DMD: variants seen among roughly 807,000 people sequenced by gnomAD.
DMD encodes the protein mutant dystrophin.
A neutral mutation model predicts 330.1 loss-of-function variants in DMD; 63 were observed. The observed-to-expected ratio is 0.19, with a 90% CI of 0.16 to 0.24. DMD has a LOEUF of 0.24. Among genes scored for constraint, DMD ranks in the 10% least tolerant of loss-of-function variants. The pLI is 1.00. For synonymous variants in DMD, 1,223 were observed against 959.8 expected (o/e 1.27, Z -5.07); for missense variants, 3,344 against 2,684.1 (o/e 1.25, Z -5.43).
intron 34 of DMD, 99 bp from the exon 35 acceptor site, chrX:32,365,298 G>T: frequency 2.4e-6 from 2 of 836,494 alleles, no homozygotes; most frequent in Non-Finnish European, 3.5e-6. Flanking sequence ...GATTCTGCAA[G>T]GTTTTAAACC....
At chrX:31,228,334 G>A (rs184286278) in intron 63 of DMD, among the ~76,000 whole-genome samples, 156 of 109,390 alleles carry the variant, frequency 1.4e-3, no homozygotes, top group Non-Finnish European at 2.4e-3. Context: ...ACAATGCTAC[G>A]GAAGCCATAC....
intron 2 of DMD, among the ~76,000 whole-genome samples, chrX:32,996,653 AC>A (rs1346919137): frequency 1.8e-5 from 2 of 110,888 alleles, no homozygotes; most frequent in Admixed American, 9.6e-5. Context: ...CAAAACCTCT[AC>A]CAAAAATAAA....
Position 31,169,578 on chromosome X carries a change from T to C in DMD, c.10418A>G (p.Gln3473Arg). 1 of 1,205,957 alleles carries C rather than the reference T, an allele frequency of 8.3e-7. No individual in the cohort carries two copies. Among genetic ancestry groups the C allele is most frequent in the Non-Finnish European group, 1.1e-6 (1 of 892,204 alleles). Residue 3473 changes from glutamine (Q) to arginine (R), a missense_variant, in exon 74 of 79, where the codon CAG (glutamine) becomes CGG (arginine). Gln to Arg is a conservative substitution (Grantham distance 43, BLOSUM62 1). Transcript: ENST00000357033. ...CTGGTTCAAACTTTGGCAGTAATGC[T>C]GGATTAACAAATGTTCATCATCTCT... Reference protein sequence around the residue: ...ESIDDEHLLIQHYCQSLNQDS... With the variant: ...ESIDDEHLLIRHYCQSLNQDS...
intron 17 of DMD, among the ~76,000 whole-genome samples, chrX:32,528,436 C>T (rs1207278635): frequency 8.9e-6 from 1 of 112,101 alleles, no homozygotes; most frequent in East Asian, 2.8e-4. Context: ...TCAGCGACTT[C>T]TTGCTTTAAA....
intron 43 of DMD, among the ~76,000 whole-genome samples, chrX:32,271,064 A>G (rs1021725746): frequency 2.7e-5 from 3 of 111,540 alleles, no homozygotes; most frequent in African/African-American, 6.5e-5. Context: ...ACCCAAAGAA[A>G]TTCCAGAATT....
At chrX:32,711,368 C>A (rs2065175106) in intron 7 of DMD, among the ~76,000 whole-genome samples, 1 of 110,747 alleles carries the variant, frequency 9.0e-6, no homozygotes, top group Non-Finnish European at 1.9e-5. Flanking sequence ...TTACTATATC[C>A]TATGGAGCCT....
chrX:32,578,952 T>C (rs759018264), intron 13 of DMD, among the ~76,000 whole-genome samples: 14 of 111,904 alleles, frequency 1.3e-4, no homozygotes, highest in Non-Finnish European at 2.6e-4. Context: ...ATCCCTTATT[T>C]CTTGATTTTT....
At chrX:32,670,289 G>A (rs1304830210) in intron 9 of DMD, among the ~76,000 whole-genome samples, 1 of 111,992 alleles carries the variant, frequency 8.9e-6, no homozygotes, top group Non-Finnish European at 1.9e-5. Flanking sequence ...GTAAGTACTT[G>A]ACAGATTAAA....
chrX:32,536,141 T>C (rs1446129814), intron 17 of DMD, among the ~76,000 whole-genome samples: 1 of 108,865 alleles, frequency 9.2e-6, no homozygotes, highest in Non-Finnish European at 1.9e-5. Flanking sequence ...GGCCCTTGCC[T>C]GTAGTGCCAG....
intron 51 of DMD, among the ~76,000 whole-genome samples, chrX:31,734,348 A>C (rs1007789990): frequency 9.0e-6 from 1 of 110,922 alleles, no homozygotes; most frequent in Non-Finnish European, 1.9e-5. Flanking sequence ...TCAGTTTCAA[A>C]GTCAGGAAAT....
At chrX:32,783,349 G>A (rs775906023) in intron 7 of DMD, among the ~76,000 whole-genome samples, 5 of 91,600 alleles carry the variant, frequency 5.5e-5, no homozygotes, top group Non-Finnish European at 1.1e-4. Context: ...ACACATATAT[G>A]GTATATATAT....
At position 32,639,299 on chromosome X, in the gene DMD, G is replaced by A. The variant is rs763730966; in HGVS notation, c.1331+4833C>T. Among the ~76,000 whole-genome samples, 17 of 111,085 alleles carry A rather than the reference G, an allele frequency of 1.5e-4. No homozygotes were observed. In the East Asian group the frequency reaches 4.8e-3, roughly 31 times the overall value. Reference sequence around the variant, plus strand: ...TTTTCCCTGTGCCAGTTGTCTTCTTGCACTTCCACAGTTGGAAGTTGTGTG... The same window carrying A: ...TTTTCCCTGTGCCAGTTGTCTTCTTACACTTCCACAGTTGGAAGTTGTGTG... On this transcript the variant is annotated intron_variant, in intron 11 of 78. Transcript: ENST00000357033.
chrX:31,178,582 G>C, intron 70 of DMD, 87 bp downstream of exon 70: 1 of 1,112,578 alleles, frequency 9.0e-7, no homozygotes, highest in Middle Eastern at 2.5e-4. Flanking sequence ...GAGACTGTTT[G>C]CATTTGGGAG....
At chrX:32,998,205 T>TA (rs942635302) in intron 2 of DMD, among the ~76,000 whole-genome samples, 6 of 106,339 alleles carry the variant, frequency 5.6e-5, no homozygotes, top group South Asian at 4.3e-4. Flanking sequence ...CTCCAAAAAG[T>TA]AAAAAAAATA....
At chrX:33,287,643 A>G (rs891070622) in intron 1 of DMD, among the ~76,000 whole-genome samples, 1 of 111,858 alleles carries the variant, frequency 8.9e-6, no homozygotes, top group Non-Finnish European at 1.9e-5. Flanking sequence ...ATAAAAAGTA[A>G]AGCATAAAAT....
At chrX:32,685,284 T>G (rs1238699443) in intron 9 of DMD, among the ~76,000 whole-genome samples, 3 of 111,638 alleles carry the variant, frequency 2.7e-5, no homozygotes, top group Admixed American at 9.6e-5. Context: ...ATTCCATTAA[T>G]GATCTAAATT....
At chrX:33,337,253 T>G (rs1178391006) in intron 1 of DMD, among the ~76,000 whole-genome samples, 1 of 111,759 alleles carries the variant, frequency 8.9e-6, no homozygotes, top group African/African-American at 3.2e-5. Context: ...AAAGATGCAG[T>G]GTAAAAGAGT....
intron 7 of DMD, among the ~76,000 whole-genome samples, chrX:32,741,046 T>C (rs2069192268): frequency 9.0e-6 from 1 of 111,687 alleles, no homozygotes; most frequent in African/African-American, 3.3e-5. Flanking sequence ...AGTTAGTATA[T>C]TTGGTAACCT....
At chrX:33,091,866 C>T (rs1034658722) in intron 1 of DMD, among the ~76,000 whole-genome samples, 1 of 111,897 alleles carries the variant, frequency 8.9e-6, no homozygotes, top group African/African-American at 3.2e-5. Context: ...TTTCTTGGTT[C>T]ACCCTTTACA....
Sources: gnomAD v4.1 joint callset for allele counts (sites outside exome capture counted in the v4.1 genomes callset) on GRCh38, gnomAD v4.1.1 for gene constraint, MANE v1.5 for transcripts, NCBI Gene and HGNC (gene_info 2026-07-23, HGNC 2026-07-21) for gene names.